The following PTPRD variants were observed in gnomAD, a reference collection of about 807,000 sequenced individuals.
PTPRD encodes receptor-type tyrosine-protein phosphatase delta.
PTPRD carries 34 observed loss-of-function variants against 214.5 expected under a neutral mutation model. That is an observed-to-expected ratio of 0.16 (90% confidence interval 0.12 to 0.21). The LOEUF (loss-of-function observed/expected upper bound fraction) is 0.21, where lower values mean the gene tolerates loss of function less well. Among genes scored for constraint, PTPRD ranks in the 10% least tolerant of loss-of-function variants. The probability of loss-of-function intolerance (pLI) is 1.00; values close to 1 mark genes in which losing one functional copy is unlikely to be tolerated. For synonymous variants in PTPRD, 1,128 were observed against 845.7 expected (o/e 1.33, Z -5.79); for missense variants, 2,545 against 2,398.7 (o/e 1.06, Z -1.27).
intron 11 of PTPRD, among the ~76,000 whole-genome samples, chr9:8,784,982 A>C (rs755432303): frequency 2.6e-5 from 4 of 152,194 alleles, no homozygotes; most frequent in Non-Finnish European, 5.9e-5. Context: ...CGAGAGCACC[A>C]TTACAACAGC....
intron 2 of PTPRD, among the ~76,000 whole-genome samples, chr9:10,380,498 C>T (rs1273173095): frequency 6.6e-6 from 1 of 152,014 alleles, no homozygotes; most frequent in South Asian, 2.1e-4. Context: ...AAACGAAACA[C>T]ATATCATAGT....
chr9:9,532,766 A>C (rs982762805), intron 8 of PTPRD, among the ~76,000 whole-genome samples: 73 of 152,276 alleles, frequency 4.8e-4, no homozygotes, highest in African/African-American at 1.8e-3. Flanking sequence ...CCAGTCTTCC[A>C]TCCCAGAAGT....
intron 3 of PTPRD, among the ~76,000 whole-genome samples, chr9:10,158,379 A>C (rs1021906760): frequency 7.9e-5 from 12 of 152,116 alleles, no homozygotes; most frequent in Admixed American, 7.2e-4. Flanking sequence ...TTAATTTTTA[A>C]ACATTTAATC....
intron 5 of PTPRD, among the ~76,000 whole-genome samples, chr9:9,852,236 TAGA>T (rs1307706820): frequency 6.6e-6 from 1 of 151,920 alleles, no homozygotes; most frequent in African/African-American, 2.4e-5. Flanking sequence ...CAGAAGAAAG[TAGA>T]AGAATCTTCC....
At chr9:8,845,648 G>C (rs1025602960) in intron 11 of PTPRD, among the ~76,000 whole-genome samples, 1 of 152,230 alleles carries the variant, frequency 6.6e-6, no homozygotes, top group Non-Finnish European at 1.5e-5. Context: ...GCAAATCCTA[G>C]TGTCTAAGTA....
At chr9:8,391,261 G>A (rs2089447495) in intron 36 of PTPRD, among the ~76,000 whole-genome samples, 1 of 152,086 alleles carries the variant, frequency 6.6e-6, no homozygotes. Flanking sequence ...ATCCTCTCAA[G>A]AAAGGTAATG....
chr9:9,066,361 T>C (rs1590921891), intron 10 of PTPRD, among the ~76,000 whole-genome samples: 1 of 152,318 alleles, frequency 6.6e-6, no homozygotes, highest in East Asian at 1.9e-4. Flanking sequence ...ACAAGTCATA[T>C]TTCCTATCTT....
intron 6 of PTPRD, among the ~76,000 whole-genome samples, chr9:9,742,509 A>G (rs2098414523): frequency 6.6e-6 from 1 of 152,198 alleles, no homozygotes; most frequent in Non-Finnish European, 1.5e-5. Context: ...AAAGAAAGGA[A>G]GAAAAGGGTA....
chr9:10,205,249 A>G (rs2099464463), intron 3 of PTPRD, among the ~76,000 whole-genome samples: 1 of 152,046 alleles, frequency 6.6e-6, no homozygotes, highest in African/African-American at 2.4e-5. Context: ...ACTGCAAAAA[A>G]TACAACAAAA....
At chr9:10,112,268 G>A (rs556698952) in intron 3 of PTPRD, among the ~76,000 whole-genome samples, 1 of 152,148 alleles carries the variant, frequency 6.6e-6, no homozygotes, top group South Asian at 2.1e-4. Context: ...GGGTTTCTTG[G>A]AGCATGTGGT....
intron 11 of PTPRD, among the ~76,000 whole-genome samples, chr9:8,894,893 CAG>C (rs1406104591): frequency 6.6e-6 from 1 of 152,018 alleles, no homozygotes; most frequent in Non-Finnish European, 1.5e-5. Flanking sequence ...CACCAATCAA[CAG>C]AGAGAGAGAC....
intron 3 of PTPRD, among the ~76,000 whole-genome samples, chr9:10,319,848 A>C (rs1430595941): frequency 6.6e-6 from 1 of 152,052 alleles, no homozygotes; most frequent in Non-Finnish European, 1.5e-5. Context: ...GGGTTTAGCT[A>C]AAATGCTTGG....
chr9:10,126,946 C>CTTTTTTTTTTTTT lies in PTPRD; in HGVS notation c.-544-93169_-544-93157dup, dbSNP rs34691762. On this transcript the variant is annotated intron_variant, in intron 3 of 45. Coordinates refer to ENST00000381196, the MANE Select transcript of PTPRD (RefSeq NM_002839.4). ...CCTTAGACTCTGAGTCTCAAATGGA[C>CTTTTTTTTTTTTT]TTTTTTTTTTTTTTTTTGGCAGAAA... Among the ~76,000 whole-genome samples the CTTTTTTTTTTTTT allele has an allele frequency of 7.1e-3, 930 of 130,326 alleles. 42 individuals carry two copies. The highest frequency in any genetic ancestry group is 0.028 in the African/African-American group (876 of 31,532). 85.5% of individuals were successfully genotyped at this position (130,326 alleles called of 152,430 possible).
intron 42 of PTPRD, 95 bp from the exon 43 acceptor site, chr9:8,339,142 T>C (rs1435062988): frequency 7.9e-7 from 1 of 1,267,396 alleles, no homozygotes; most frequent in Non-Finnish European, 1.0e-6. Context: ...AATTTCCTTA[T>C]CCCATTAATA....
At chr9:9,949,053 A>G (rs968329335) in intron 4 of PTPRD, among the ~76,000 whole-genome samples, 1 of 152,096 alleles carries the variant, frequency 6.6e-6, no homozygotes, top group African/African-American at 2.4e-5. Context: ...CAAGATGTAG[A>G]GCAAAAATTA....
chr9:8,757,588 TG>T (rs1258079803), intron 11 of PTPRD, among the ~76,000 whole-genome samples: 1 of 149,710 alleles, frequency 6.7e-6, no homozygotes, highest in Non-Finnish European at 1.5e-5. Context: ...GTGATAGAGT[TG>T]GAGTTAGAAT....
chr9:10,545,824 T>C lies in PTPRD; in HGVS notation c.-600+66574A>G, dbSNP rs570448934. Among the ~76,000 whole-genome samples the C allele has an allele frequency of 2.0e-5, 3 of 152,272 alleles. No homozygotes were observed. In the East Asian group the frequency reaches 5.8e-4, roughly 29 times the overall value. ...CTTTCTTTACTTCCTCTCTTGTATT[T>C]ATTTTTATATGTGAGTTTTCCTAAA... is the stretch of plus-strand genomic sequence containing the variant. On this transcript the variant is annotated intron_variant, in intron 2 of 45. Coordinates refer to ENST00000381196, the MANE Select transcript of PTPRD (RefSeq NM_002839.4).
At chr9:9,099,410 G>C (rs1266166377) in intron 10 of PTPRD, among the ~76,000 whole-genome samples, 2 of 152,094 alleles carry the variant, frequency 1.3e-5, no homozygotes, top group African/African-American at 4.8e-5. Flanking sequence ...AATCATGTTT[G>C]TCTTGAATAA....
chr9:9,999,323 T>C (rs1246123132), intron 4 of PTPRD, among the ~76,000 whole-genome samples: 1 of 152,084 alleles, frequency 6.6e-6, no homozygotes, highest in African/African-American at 2.4e-5. Context: ...TGTGGAGAAA[T>C]AGAAGACCTT....
Sources: gnomAD v4.1 joint callset for allele counts (sites outside exome capture counted in the v4.1 genomes callset) on GRCh38, gnomAD v4.1.1 for gene constraint, MANE v1.5 for transcripts, NCBI Gene and HGNC (gene_info 2026-07-23, HGNC 2026-07-21) for gene names.